The following DOCK2 variants were observed in gnomAD, a reference collection of about 807,000 sequenced individuals.
The protein encoded by DOCK2 is dedicator of cytokinesis 2, also known as dedicator of cytokinesis protein 2.
A neutral mutation model predicts 248.9 loss-of-function variants in DOCK2; 87 were observed. The ratio of observed to expected loss-of-function variants is 0.35; its 90% CI spans 0.29 to 0.42. The LOEUF is 0.42. DOCK2 is among the 10% of genes least tolerant of loss of function. The probability of loss-of-function intolerance (pLI) is 1.00; values close to 1 mark genes in which losing one functional copy is unlikely to be tolerated. For synonymous variants in DOCK2, 805 were observed against 821.6 expected, an observed-to-expected ratio of 0.98 and a Z score of 0.35; for missense variants, 1,747 against 2,300.2, an observed-to-expected ratio of 0.76 and a Z score of 4.92.
At chr5:169,672,355 G>A (rs1043954710) in intron 5 of DOCK2, among the ~76,000 whole-genome samples, 17 of 152,180 alleles carry the variant, frequency 1.1e-4, no homozygotes, top group African/African-American at 4.1e-4. Flanking sequence ...TTGAAGCTTG[G>A]CATTTTCCCT....
At chr5:169,888,123 GA>G (rs1441793496) in intron 27 of DOCK2, among the ~76,000 whole-genome samples, 3 of 152,176 alleles carry the variant, frequency 2.0e-5, no homozygotes, top group African/African-American at 7.2e-5. Context: ...GGAAGTTTAG[GA>G]AATACAAAAT....
intron 28 of DOCK2, among the ~76,000 whole-genome samples, chr5:169,983,791 A>T (rs1362286062): frequency 6.6e-6 from 1 of 151,948 alleles, no homozygotes; most frequent in Non-Finnish European, 1.5e-5. Context: ...GTCACTCTCA[A>T]CTCTCCCTGG....
At chr5:170,042,201 A>C (rs1223215849) in intron 38 of DOCK2, 69 bp downstream of exon 38, 1 of 1,495,632 alleles carries the variant, frequency 6.7e-7, no homozygotes, top group Non-Finnish European at 9.0e-7. Flanking sequence ...CCCATACCTT[A>C]CATCCAATCC....
chr5:169,805,392 C>A (rs1240535568), intron 26 of DOCK2, among the ~76,000 whole-genome samples: 1 of 151,986 alleles, frequency 6.6e-6, no homozygotes, highest in Non-Finnish European at 1.5e-5. Context: ...ACAGAACAGA[C>A]CCTGACTCTC....
At chr5:169,951,344 C>T (rs1379149982) in intron 27 of DOCK2, among the ~76,000 whole-genome samples, 1 of 152,200 alleles carries the variant, frequency 6.6e-6, no homozygotes, top group Non-Finnish European at 1.5e-5. Context: ...TGGCCCCAGA[C>T]AGAGGATTCT....
chr5:169,836,894 T>C (rs1318414812), intron 26 of DOCK2, among the ~76,000 whole-genome samples: 7 of 152,212 alleles, frequency 4.6e-5, no homozygotes, highest in Non-Finnish European at 1.0e-4. Flanking sequence ...AAATGCTTTG[T>C]CTATTGTTAC....
At chr5:170,009,948 C>T (rs894512255) in intron 32 of DOCK2, among the ~76,000 whole-genome samples, 2 of 152,184 alleles carry the variant, frequency 1.3e-5, no homozygotes, top group Non-Finnish European at 2.9e-5. Context: ...CAGACTGCCA[C>T]TTCTTTGCTT....
intron 27 of DOCK2, among the ~76,000 whole-genome samples, chr5:169,863,002 C>T (rs1204606130): frequency 6.6e-6 from 1 of 152,174 alleles, no homozygotes; most frequent in Admixed American, 6.5e-5. Context: ...TTAATTCAAC[C>T]AGAAGGAATC....
intron 22 of DOCK2, among the ~76,000 whole-genome samples, chr5:169,738,919 GC>G (rs1433524578): frequency 6.6e-6 from 1 of 152,154 alleles, no homozygotes; most frequent in Non-Finnish European, 1.5e-5. Context: ...AGCCTGGTGG[GC>G]CCTTGGTCAT....
At chr5:169,972,785 C>T (rs1459672274) in intron 27 of DOCK2, among the ~76,000 whole-genome samples, 4 of 152,088 alleles carry the variant, frequency 2.6e-5, no homozygotes, top group Admixed American at 6.5e-5. Context: ...GTCTAGGAAG[C>T]GGGAAAAATG....
intron 27 of DOCK2, among the ~76,000 whole-genome samples, chr5:169,928,966 G>A (rs950928596): frequency 3.9e-5 from 6 of 152,198 alleles, no homozygotes; most frequent in South Asian, 2.1e-4. Context: ...CTTTGAGATA[G>A]ACTAAAAGGC....
intron 5 of DOCK2, among the ~76,000 whole-genome samples, 159 bp from the exon 6 acceptor site, chr5:169,674,138 G>A (rs931362254): frequency 4.6e-5 from 7 of 152,118 alleles, no homozygotes; most frequent in Non-Finnish European, 7.4e-5. Flanking sequence ...ATACATCAAC[G>A]ACTAGGACCC....
chr5:169,896,260 T>G (rs1773600122), intron 27 of DOCK2, among the ~76,000 whole-genome samples: 1 of 152,154 alleles, frequency 6.6e-6, no homozygotes, highest in East Asian at 1.9e-4. Context: ...ATCCAGAATC[T>G]TATGGGTTCA....
chr5:169,956,447 C>T (rs1468533178), intron 27 of DOCK2, among the ~76,000 whole-genome samples: 2 of 152,134 alleles, frequency 1.3e-5, no homozygotes, highest in East Asian at 1.9e-4. Flanking sequence ...ATTACTGCAG[C>T]GACTTTAAGC....
intron 20 of DOCK2, among the ~76,000 whole-genome samples, chr5:169,716,678 C>T (rs540373580): frequency 1.1e-4 from 16 of 152,194 alleles, no homozygotes; most frequent in Middle Eastern, 3.2e-3. Context: ...ACCTTCTTCT[C>T]CCCATTTCCT....
intron 26 of DOCK2, among the ~76,000 whole-genome samples, chr5:169,828,087 G>A (rs1768986415): frequency 6.6e-6 from 1 of 152,044 alleles, no homozygotes; most frequent in African/African-American, 2.4e-5. Flanking sequence ...TCTGGGGAGG[G>A]TTTTTACTGT....
rs750045178 is a variant in DOCK2 at position 170,069,211 on chromosome 5, T to A, written c.4719T>A (p.Ile1573=). The A allele has an allele frequency of 6.2e-7, 1 of 1,613,920 alleles. No homozygotes were observed. Among genetic ancestry groups the A allele is most frequent in the Non-Finnish European group, 8.5e-7 (1 of 1,179,910 alleles). The change falls in exon 46 of 52, where the codon ATT becomes ATA. Residue 1573 remains isoleucine (I), a synonymous_variant. Coordinates refer to ENST00000520908, the MANE Select transcript of DOCK2 (RefSeq NM_004946.3). ...AGCTGACCCACCTCAAGGACCTGAT[T>A]GCATGGCAGGTGAGGCAGCGCTGGC... ...QDKLTHLKDL[I]AWQIPFLGAG...
At position 169,640,143 on chromosome 5, in the gene DOCK2, C is replaced by T. The variant is rs535842034; in HGVS notation, c.43+2774C>T. On this transcript the variant is annotated intron_variant, in intron 1 of 51. Transcript: ENST00000520908. ...TTTAACTTAATAATTCCTTTATCTC[C>T]GAATATGCACTTATCTCCAAATAGG... is the stretch of plus-strand genomic sequence containing the variant. 1.1e-4 allele frequency among the ~76,000 whole-genome samples: 17 copies of T among 152,286 alleles called. No individual in the cohort carries two copies. The South Asian group carries it at 2.5e-3, about 22-fold the overall frequency.
intron 27 of DOCK2, among the ~76,000 whole-genome samples, chr5:169,886,962 G>A (rs371757445): frequency 6.6e-5 from 10 of 152,134 alleles, no homozygotes; most frequent in East Asian, 1.9e-4. Context: ...TATGACACTC[G>A]TAGAGGCAGG....
Sources: allele counts gnomAD v4.1 joint callset (sites outside exome capture counted in the v4.1 genomes callset), GRCh38; gene constraint gnomAD v4.1.1; transcripts MANE v1.5; gene names NCBI Gene and HGNC (gene_info 2026-07-23, HGNC 2026-07-21).